The following RYR3 variants were observed in gnomAD, a reference collection of about 807,000 sequenced individuals.
RYR3 encodes the protein ryanodine receptor 3.
Under a neutral mutation model 584.3 loss-of-function variants are expected in RYR3, and 207 were observed. The observed-to-expected ratio is 0.35, with a 90% CI of 0.32 to 0.40. RYR3 has a LOEUF of 0.40. Among genes scored for constraint, RYR3 ranks in the 10% least tolerant of loss-of-function variants. The pLI is 1.00. For missense variants in RYR3, 5,616 were observed against 6,089.2 expected (o/e 0.92, Z 2.59); for synonymous variants, 2,416 against 2,248.5 (o/e 1.07, Z -2.11).
At chr15:33,580,792 G>A (rs1036605076) in intron 13 of RYR3, among the ~76,000 whole-genome samples, 12 of 152,164 alleles carry the variant, frequency 7.9e-5, no homozygotes, top group African/African-American at 2.7e-4. Context: ...TGTCCCTTGG[G>A]CATTTCCAAA....
chr15:33,681,163 G>A (rs182163618), intron 38 of RYR3, among the ~76,000 whole-genome samples: 1 of 152,286 alleles, frequency 6.6e-6, no homozygotes, highest in East Asian at 1.9e-4. Flanking sequence ...CAGTTTCTGT[G>A]GGCACATTTG....
At chr15:33,433,223 T>C (rs2141761692) in intron 1 of RYR3, among the ~76,000 whole-genome samples, 1 of 152,214 alleles carries the variant, frequency 6.6e-6, no homozygotes, top group South Asian at 2.1e-4. Context: ...GACCGAGGGG[T>C]CCCTATACTG....
chr15:33,815,971 A>G, intron 74 of RYR3: 1 of 398,432 alleles, frequency 2.5e-6, no homozygotes, highest in Non-Finnish European at 4.4e-6. Flanking sequence ...CATTCTCTGC[A>G]CACTCCTCCT....
At chr15:33,410,316 G>A (rs569683969) in intron 1 of RYR3, among the ~76,000 whole-genome samples, 1 of 152,282 alleles carries the variant, frequency 6.6e-6, no homozygotes, top group Admixed American at 6.5e-5. Context: ...CACTTGGTTT[G>A]GCAGGCCCAA....
chr15:33,845,254 C>T (rs919687957), intron 93 of RYR3, among the ~76,000 whole-genome samples, 192 bp downstream of exon 93: 2 of 152,088 alleles, frequency 1.3e-5, no homozygotes, highest in Non-Finnish European at 1.5e-5. Flanking sequence ...AGGTTTTCTT[C>T]TGTTGTTGTT....
At chr15:33,743,704 A>G (rs2070402380) in intron 52 of RYR3, among the ~76,000 whole-genome samples, 1 of 152,162 alleles carries the variant, frequency 6.6e-6, no homozygotes. Flanking sequence ...ATATCTGTAT[A>G]TTTGTCTCTG....
rs184390811 is a variant in RYR3, at chr15:33,810,895, G to T, written c.10198-83G>T. 1.3e-5 allele frequency: 16 copies of T among 1,235,888 alleles called. No individual in the cohort carries two copies. The South Asian group carries it at 2.1e-4, about 16-fold the overall frequency. 76.6% of individuals were successfully genotyped at this position (1,235,888 alleles called of 1,614,324 possible). On this transcript the variant is annotated intron_variant, in intron 71 of 103. Coordinates refer to ENST00000634891, the MANE Select transcript of RYR3 (RefSeq NM_001036.6). Reference sequence around the variant, plus strand: ...GATAAAGATCCCAGTGAAACTGTGCGTTGACTCTCCATACATCCCCATATG... The same window carrying T: ...GATAAAGATCCCAGTGAAACTGTGCTTTGACTCTCCATACATCCCCATATG...
intron 38 of RYR3, among the ~76,000 whole-genome samples, chr15:33,672,644 A>G (rs1447373048): frequency 6.6e-6 from 1 of 152,208 alleles, no homozygotes; most frequent in Admixed American, 6.5e-5. Context: ...AGATGGAGAC[A>G]AGGTTGCTGA....
chr15:33,840,800 T>C, intron 89 of RYR3, 25 bp from the exon 90 acceptor site: 3 of 1,612,650 alleles, frequency 1.9e-6, no homozygotes, highest in Non-Finnish European at 2.5e-6. Context: ...TGAGGAAAGC[T>C]TGACTAATTG....
intron 2 of RYR3, among the ~76,000 whole-genome samples, chr15:33,489,316 GC>G (rs2050767212): frequency 6.6e-6 from 1 of 152,088 alleles, no homozygotes; most frequent in Non-Finnish European, 1.5e-5. Flanking sequence ...CAGGTATTAA[GC>G]CCAGTGCCCA....
intron 38 of RYR3, among the ~76,000 whole-genome samples, chr15:33,675,114 C>T (rs1316102383): frequency 6.6e-6 from 1 of 152,144 alleles, no homozygotes; most frequent in African/African-American, 2.4e-5. Flanking sequence ...AGCAGCTAAA[C>T]CGTATGCAGG....
At chr15:33,828,884 C>G (rs1308966458) in intron 85 of RYR3, among the ~76,000 whole-genome samples, 1 of 152,170 alleles carries the variant, frequency 6.6e-6, no homozygotes, top group Non-Finnish European at 1.5e-5. Flanking sequence ...CAGCCTTCTC[C>G]TAGAAGAGAG....
At chr15:33,627,850 G>A (rs2061071223) in intron 20 of RYR3, among the ~76,000 whole-genome samples, 1 of 152,068 alleles carries the variant, frequency 6.6e-6, no homozygotes, top group Non-Finnish European at 1.5e-5. Flanking sequence ...TTGAGTAATG[G>A]AGAGAAGGGA....
intron 2 of RYR3, among the ~76,000 whole-genome samples, chr15:33,479,862 T>C (rs1252146761): frequency 1.3e-5 from 2 of 152,232 alleles, no homozygotes; most frequent in African/African-American, 4.8e-5. Context: ...GTTAGAAATA[T>C]ATATTTTGCT....
chr15:33,346,949 A>T lies in RYR3; in HGVS notation c.51+35853A>T, dbSNP rs544332021. Among the ~76,000 whole-genome samples the T allele has an allele frequency of 2.2e-4, 33 of 152,278 alleles. 1 individual carries two copies. In the South Asian group the frequency reaches 2.7e-3, roughly 12 times the overall value. On this transcript the variant is annotated intron_variant, in intron 1 of 103. Transcript: ENST00000634891. ...AAGACCCTGTATCCACAAAAATTTT[A>T]AAAAAATAGCTGGGCATGGTGGTGG...
intron 24 of RYR3, 108 bp downstream of exon 24, chr15:33,633,216 C>G: frequency 9.2e-7 from 1 of 1,086,232 alleles, no homozygotes; most frequent in Non-Finnish European, 1.3e-6. Context: ...TGCCTTTGCA[C>G]TCTATCCCTC....
At chr15:33,312,618 G>T (rs1377678004) in intron 1 of RYR3, among the ~76,000 whole-genome samples, 1 of 152,154 alleles carries the variant, frequency 6.6e-6, no homozygotes, top group Non-Finnish European at 1.5e-5. Flanking sequence ...TAGTGGATGG[G>T]TGGCAGCTCA....
intron 58 of RYR3, among the ~76,000 whole-genome samples, chr15:33,755,737 G>C (rs1454924466): frequency 1.3e-5 from 2 of 152,172 alleles, no homozygotes; most frequent in Non-Finnish European, 2.9e-5. Flanking sequence ...CTTTATGACT[G>C]TGGACATATG....
At chr15:33,672,473 C>T (rs2063905810) in intron 38 of RYR3, among the ~76,000 whole-genome samples, 1 of 152,142 alleles carries the variant, frequency 6.6e-6, no homozygotes, top group Non-Finnish European at 1.5e-5. Context: ...ATCTTGGGAT[C>T]CCAGAAATAG....
Sources: allele counts gnomAD v4.1 joint callset (sites outside exome capture counted in the v4.1 genomes callset), GRCh38; gene constraint gnomAD v4.1.1; transcripts MANE v1.5; gene names NCBI Gene and HGNC (gene_info 2026-07-23, HGNC 2026-07-21).